TAFA1: variants seen among roughly 807,000 people sequenced by gnomAD.
TAFA1 encodes TAFA chemokine like family member 1, also known as chemokine-like protein TAFA-1.
Under a neutral mutation model 18.5 loss-of-function variants are expected in TAFA1, and 4 were observed. The observed-to-expected ratio is 0.22, with a 90% CI of 0.11 to 0.49. TAFA1 has a LOEUF of 0.49. Ranked by LOEUF, TAFA1 falls within the 20% of genes least tolerant of loss-of-function variation. TAFA1 has a pLI of 0.98. For synonymous variants in TAFA1, 56 were observed against 55.2 expected (o/e 1.01, Z -0.06); for missense variants, 147 against 169.0 (o/e 0.87, Z 0.72).
chr3:68,098,472 C>T (rs2065112908), intron 2 of TAFA1, among the ~76,000 whole-genome samples: 1 of 152,076 alleles, frequency 6.6e-6, no homozygotes, highest in South Asian at 2.1e-4. Context: ...TTTTACTAGG[C>T]CTGTGTCTGC....
chr3:68,513,697 C>CA (rs1234559706), intron 3 of TAFA1, among the ~76,000 whole-genome samples: 2 of 151,924 alleles, frequency 1.3e-5, no homozygotes, highest in Non-Finnish European at 2.9e-5. Flanking sequence ...ATTTAAAAAA[C>CA]AAAAAAGACT....
chr3:68,425,264 G>A (rs2071030922), intron 3 of TAFA1, among the ~76,000 whole-genome samples: 1 of 151,960 alleles, frequency 6.6e-6, no homozygotes, highest in African/African-American at 2.4e-5. Context: ...CTGAGATAAT[G>A]AATTGCTGTG....
chr3:68,265,502 T>C (rs2067524473), intron 2 of TAFA1, among the ~76,000 whole-genome samples: 1 of 152,216 alleles, frequency 6.6e-6, no homozygotes, highest in South Asian at 2.1e-4. Flanking sequence ...CACTTGACAT[T>C]CCTGGTGGGA....
At chr3:68,053,551 G>A (rs1213792332) in intron 2 of TAFA1, among the ~76,000 whole-genome samples, 3 of 151,890 alleles carry the variant, frequency 2.0e-5, no homozygotes, top group African/African-American at 7.3e-5. Flanking sequence ...TTTTATGCAT[G>A]CTATGGAATC....
chr3:68,224,863 G>A (rs536678079), intron 2 of TAFA1, among the ~76,000 whole-genome samples: 1 of 114,000 alleles, frequency 8.8e-6, no homozygotes, highest in Admixed American at 8.7e-5. Context: ...CTCCCTTGCT[G>A]TTTGACTTTT....
At chr3:68,190,670 C>G (rs2066325809) in intron 2 of TAFA1, among the ~76,000 whole-genome samples, 1 of 151,734 alleles carries the variant, frequency 6.6e-6, no homozygotes, top group African/African-American at 2.4e-5. Flanking sequence ...GATCCATAGC[C>G]TTAGTTTCTT....
At chr3:68,100,913 C>A (rs551381960) in intron 2 of TAFA1, among the ~76,000 whole-genome samples, 63 of 152,290 alleles carry the variant, frequency 4.1e-4, no homozygotes, top group African/African-American at 1.5e-3. Flanking sequence ...TGTTGGCACA[C>A]CTAGCCAGCA....
At chr3:68,405,699 C>CAAAAAAAAAAAAAAAAAAA (rs56258198) in intron 2 of TAFA1, among the ~76,000 whole-genome samples, 5 of 32,888 alleles carry the variant, frequency 1.5e-4, no homozygotes, top group Non-Finnish European at 3.1e-4. Flanking sequence ...GACTCTATCT[C>CAAAAAAAAAAAAAAAAAAA]AAAAAAAAAA....
chr3:68,473,867 G>T (rs13087359), intron 3 of TAFA1, among the ~76,000 whole-genome samples: 62,771 of 151,928 alleles, frequency 0.41, 13,699 homozygotes, highest in Non-Finnish European at 0.48. Context: ...TCCAAGAGGG[G>T]TGTAACCTTT....
intron 2 of TAFA1, among the ~76,000 whole-genome samples, chr3:68,384,830 T>C (rs1365788017): frequency 6.6e-6 from 1 of 152,106 alleles, no homozygotes; most frequent in Non-Finnish European, 1.5e-5. Flanking sequence ...AAGAACTTTC[T>C]TTATGAATCT....
At chr3:68,492,662 T>C (rs955239039) in intron 3 of TAFA1, among the ~76,000 whole-genome samples, 1 of 152,194 alleles carries the variant, frequency 6.6e-6, no homozygotes, top group Non-Finnish European at 1.5e-5. Context: ...TTGCTTGCAG[T>C]GTTTCTATAT....
Position 68,017,371 on chromosome 3 carries a change from G to A in TAFA1, c.118+10627G>A, listed in dbSNP as rs114603466. On this transcript the variant is annotated intron_variant, in intron 2 of 4. Coordinates refer to ENST00000478136, the MANE Select transcript of TAFA1 (RefSeq NM_213609.4). ...TTAGAAGTAAGAGCAAATTTATGGCGTGCATGTTGCCAATCTCCAGACTTC... is the reference window on the plus strand; with the variant it reads ...TTAGAAGTAAGAGCAAATTTATGGCATGCATGTTGCCAATCTCCAGACTTC... Among the ~76,000 whole-genome samples the A allele has an allele frequency of 7.5e-3, 1,139 of 152,322 alleles. 15 individuals are homozygous for A. The highest frequency in any genetic ancestry group is 0.025 in the African/African-American group (1,053 of 41,564).
At chr3:68,050,174 T>C (rs1360187758) in intron 2 of TAFA1, among the ~76,000 whole-genome samples, 2 of 152,044 alleles carry the variant, frequency 1.3e-5, no homozygotes, top group African/African-American at 4.8e-5. Flanking sequence ...CCAGGAAACA[T>C]AGATTGGGAA....
chr3:68,381,949 A>G (rs2069969133), intron 2 of TAFA1, among the ~76,000 whole-genome samples: 1 of 152,192 alleles, frequency 6.6e-6, no homozygotes. Flanking sequence ...CGTCCCATCA[A>G]TACCTAATTT....
At position 68,203,761 on chromosome 3, in the gene TAFA1, C is replaced by G. The variant is rs144983384; in HGVS notation, c.118+197017C>G. On this transcript the variant is annotated intron_variant, in intron 2 of 4. Transcript: ENST00000478136. ...ATGCCAGTTAGGCTCTGATAAAACC[C>G]CATCAAGTTAGGCTCTAGGTAATGA... Among the ~76,000 whole-genome samples, 168 of 151,742 alleles carry G rather than the reference C, an allele frequency of 1.1e-3. 1 individual carries two copies. Among genetic ancestry groups the G allele is most frequent in the Non-Finnish European group, 2.0e-3 (135 of 67,770 alleles).
chr3:68,470,536 A>G (rs2071978306), intron 3 of TAFA1, among the ~76,000 whole-genome samples: 1 of 152,160 alleles, frequency 6.6e-6, no homozygotes, highest in Non-Finnish European at 1.5e-5. Context: ...ATTAAAGTTC[A>G]GGAGATGAGA....
intron 2 of TAFA1, among the ~76,000 whole-genome samples, chr3:68,388,579 C>T (rs2070157223): frequency 6.6e-6 from 1 of 152,000 alleles, no homozygotes; most frequent in Non-Finnish European, 1.5e-5. Context: ...ATCTAACCAC[C>T]AGCATCCTTT....
At chr3:68,398,514 C>G (rs13059847) in intron 2 of TAFA1, among the ~76,000 whole-genome samples, 2 of 152,128 alleles carry the variant, frequency 1.3e-5, no homozygotes, top group East Asian at 3.8e-4. Flanking sequence ...GCTAGCATCC[C>G]TTCAAATGTC....
At position 68,206,645 on chromosome 3, in the gene TAFA1, G is replaced by A. The variant is rs577264914; in HGVS notation, c.118+199901G>A. Among the ~76,000 whole-genome samples the A allele has an allele frequency of 2.6e-5, 4 of 151,982 alleles. No individual in the cohort carries two copies. The South Asian group carries it at 6.2e-4, about 24-fold the overall frequency. On this transcript the variant is annotated intron_variant, in intron 2 of 4. Transcript: ENST00000478136. ...ACCATAAATTACACTTTCTCTCTGA[G>A]CTCTGCTCTCATTTGGATTGGTCAT... is the stretch of plus-strand genomic sequence containing the variant.
Sources: gnomAD v4.1 joint callset for allele counts (sites outside exome capture counted in the v4.1 genomes callset) on GRCh38, gnomAD v4.1.1 for gene constraint, MANE v1.5 for transcripts, NCBI Gene and HGNC (gene_info 2026-07-23, HGNC 2026-07-21) for gene names.